The following SHISA6 variants were observed in gnomAD, a reference collection of about 807,000 sequenced individuals.
SHISA6 encodes shisa family member 6, also known as protein shisa-6.
SHISA6 carries 22 observed loss-of-function variants against 47.9 expected under a neutral mutation model. That is an observed-to-expected ratio of 0.46 (90% CI 0.33 to 0.66). SHISA6 has a LOEUF of 0.66. SHISA6 is among the 30% of genes least tolerant of loss of function. The probability of loss-of-function intolerance (pLI) is 0.02; values close to 1 mark genes in which losing one functional copy is unlikely to be tolerated. For missense variants in SHISA6, 680 were observed against 764.6 expected (o/e 0.89, Z 1.30); for synonymous variants, 388 against 337.8 (o/e 1.15, Z -1.63).
intron 3 of SHISA6, among the ~76,000 whole-genome samples, chr17:11,510,185 T>C (rs1210842799): frequency 2.6e-5 from 4 of 151,828 alleles, no homozygotes; most frequent in Admixed American, 6.6e-5. Flanking sequence ...CGAAGCTCAC[T>C]CCTCTCATTT....
chr17:11,393,242 T>C (rs1440318217), intron 3 of SHISA6, among the ~76,000 whole-genome samples: 2 of 152,210 alleles, frequency 1.3e-5, no homozygotes, highest in African/African-American at 4.8e-5. Context: ...AGCAGCACTC[T>C]ACACACTGCA....
rs560608856 is a variant in SHISA6, at chr17:11,353,285, C to T, written c.800-26129C>T. On this transcript the variant is annotated intron_variant, in intron 2 of 5. Transcript: ENST00000441885. ...CAGCCTGGCCAAGATGGTGAAACCC[C>T]GTCTCTACTAAAAATTCAAAAATTA... Among the ~76,000 whole-genome samples the T allele has an allele frequency of 1.4e-4, 21 of 152,058 alleles. No homozygotes were observed. In the South Asian group the frequency reaches 3.7e-3, roughly 27 times the overall value.
chr17:11,306,096 G>C (rs371422621), intron 2 of SHISA6, among the ~76,000 whole-genome samples: 51 of 152,296 alleles, frequency 3.3e-4, no homozygotes, highest in African/African-American at 1.2e-3. Context: ...AATGCTGACA[G>C]TGTACTAAGT....
intron 3 of SHISA6, among the ~76,000 whole-genome samples, chr17:11,381,068 G>A (rs923126213): frequency 6.6e-6 from 1 of 152,182 alleles, no homozygotes; most frequent in African/African-American, 2.4e-5. Flanking sequence ...ATGAATATCA[G>A]GAGCCGAGGA....
chr17:11,257,477 A>G (rs1270927654), intron 1 of SHISA6, among the ~76,000 whole-genome samples: 4 of 152,060 alleles, frequency 2.6e-5, no homozygotes, highest in Admixed American at 2.6e-4. Flanking sequence ...CCTGAGCAAC[A>G]TGGTGAAACT....
intron 3 of SHISA6, among the ~76,000 whole-genome samples, chr17:11,427,535 TCA>T (rs1914641605): frequency 6.6e-6 from 1 of 152,120 alleles, no homozygotes; most frequent in South Asian, 2.1e-4. Context: ...ACCGACACCC[TCA>T]GTGCTGAACT....
intron 3 of SHISA6, among the ~76,000 whole-genome samples, chr17:11,393,012 C>T (rs753929744): frequency 1.3e-5 from 2 of 152,232 alleles, no homozygotes; most frequent in Admixed American, 6.5e-5. Flanking sequence ...GGGGAAGCCT[C>T]GCTCTTGAGC....
At chr17:11,466,549 G>C (rs1457778773) in intron 3 of SHISA6, among the ~76,000 whole-genome samples, 1 of 152,118 alleles carries the variant, frequency 6.6e-6, no homozygotes, top group Non-Finnish European at 1.5e-5. Flanking sequence ...CAGTGGGTGT[G>C]CCCCATTCTG....
chr17:11,555,647 A>G (rs2071970559), intron 4 of SHISA6, 93 bp from the exon 5 acceptor site: 3 of 1,364,336 alleles, frequency 2.2e-6, no homozygotes, highest in Non-Finnish European at 2.9e-6. Flanking sequence ...CCAGGAAAGG[A>G]GGATGGGGAT....
At chr17:11,307,492 C>G (rs58314045) in intron 2 of SHISA6, among the ~76,000 whole-genome samples, 5,255 of 152,298 alleles carry the variant, frequency 0.035, 321 homozygotes, top group African/African-American at 0.12. Flanking sequence ...CATCTCTCAG[C>G]TTTCAGCCCA....
intron 3 of SHISA6, among the ~76,000 whole-genome samples, chr17:11,471,210 GAAA>G (rs10699970): frequency 2.0e-5 from 2 of 97,786 alleles, no homozygotes; most frequent in Admixed American, 1.1e-4. Context: ...CTCCATCTCA[GAAA>G]AAAAAAAAAA....
Position 11,249,018 on chromosome 17 carries a change from G to T in SHISA6, c.638+6958G>T, listed in dbSNP as rs1907695898. ...GCCGGGCTTGGTGGCGGCGCCTGTA[G>T]TCCCAGCTACTTGGGAGACTGAGGC... On this transcript the variant is annotated intron_variant, in intron 1 of 5. Coordinates refer to ENST00000441885, the MANE Select transcript of SHISA6 (RefSeq NM_207386.4). 2.0e-5 allele frequency among the ~76,000 whole-genome samples: 3 copies of T among 151,868 alleles called. No individual in the cohort carries two copies. In the South Asian group the frequency reaches 6.2e-4, roughly 32 times the overall value.
At chr17:11,349,853 A>G (rs999801701) in intron 2 of SHISA6, among the ~76,000 whole-genome samples, 3 of 152,208 alleles carry the variant, frequency 2.0e-5, no homozygotes, top group Admixed American at 6.5e-5. Flanking sequence ...TGGAGAGTCA[A>G]AATGAATAGA....
chr17:11,529,155 T>C (rs894331271), intron 3 of SHISA6, among the ~76,000 whole-genome samples: 3 of 151,180 alleles, frequency 2.0e-5, no homozygotes, highest in African/African-American at 7.3e-5. Context: ...ATTGCGCCAT[T>C]GCACTCCAGC....
chr17:11,314,857 T>C (rs1240286609), intron 2 of SHISA6, among the ~76,000 whole-genome samples: 11 of 152,138 alleles, frequency 7.2e-5, no homozygotes, highest in Admixed American at 5.9e-4. Flanking sequence ...GTTTTTTCAA[T>C]TGGAGCTCTA....
At chr17:11,375,691 G>A (rs1357932142) in intron 2 of SHISA6, among the ~76,000 whole-genome samples, 1 of 152,116 alleles carries the variant, frequency 6.6e-6, no homozygotes, top group Non-Finnish European at 1.5e-5. Flanking sequence ...CTCCTGCCTG[G>A]GGACAGTTGT....
intron 3 of SHISA6, among the ~76,000 whole-genome samples, chr17:11,477,423 C>A (rs56115958): frequency 0.18 from 26,783 of 151,902 alleles, 2,548 homozygotes; most frequent in East Asian, 0.29. Context: ...AGTTAAACTA[C>A]TTTTTTTTAT....
intron 2 of SHISA6, among the ~76,000 whole-genome samples, chr17:11,318,476 C>T (rs1192906436): frequency 6.6e-6 from 1 of 152,072 alleles, no homozygotes; most frequent in African/African-American, 2.4e-5. Context: ...CCATCTGCCA[C>T]CCCCTAGGAG....
intron 3 of SHISA6, among the ~76,000 whole-genome samples, chr17:11,512,353 T>C (rs1327287366): frequency 1.4e-4 from 22 of 152,188 alleles, no homozygotes; most frequent in Admixed American, 1.4e-3. Context: ...TATAGACAAG[T>C]ACACCACCTA....
Sources: allele counts gnomAD v4.1 joint callset (sites outside exome capture counted in the v4.1 genomes callset), GRCh38; gene constraint gnomAD v4.1.1; transcripts MANE v1.5; gene names NCBI Gene and HGNC (gene_info 2026-07-23, HGNC 2026-07-21).